SNPH: variants seen among roughly 807,000 people sequenced by gnomAD.
SNPH encodes the protein syntaphilin.
Under a neutral mutation model 36.8 loss-of-function variants are expected in SNPH, and 10 were observed. The observed-to-expected ratio is 0.27, with a 90% CI of 0.17 to 0.46. SNPH has a LOEUF of 0.46. Among genes scored for constraint, SNPH ranks in the 20% least tolerant of loss-of-function variants. The pLI, the probability that SNPH is intolerant of heterozygous loss-of-function variation, is 1.00. For missense variants in SNPH, 622 were observed against 744.0 expected, an observed-to-expected ratio of 0.84 and a Z score of 1.91; for synonymous variants, 281 against 312.2, an observed-to-expected ratio of 0.90 and a Z score of 1.05.
At chr20:1,292,974 T>C (rs1364595465) in intron 2 of SNPH, among the ~76,000 whole-genome samples, 3 of 152,250 alleles carry the variant, frequency 2.0e-5, no homozygotes, top group Non-Finnish European at 4.4e-5. Flanking sequence ...AAATACTGGC[T>C]GCCCCCATGT....
At position 1,306,064 on chromosome 20, in the gene SNPH, T is replaced by C. The variant is rs757404150; in HGVS notation, c.*10T>C. The C allele has an allele frequency of 4.2e-6, 6 of 1,440,794 alleles. No homozygotes were observed. Among genetic ancestry groups the C allele is most frequent in the Non-Finnish European group, 4.5e-6 (5 of 1,099,624 alleles). 89.3% of individuals were successfully genotyped at this position (1,440,794 alleles called of 1,614,324 possible). A position where few individuals can be genotyped will look rare whatever the true frequency, so the allele number is the denominator to read the frequency against. On this transcript the variant is annotated 3_prime_UTR_variant, in exon 7 of 7. Transcript: ENST00000381867. ...CGGCTCCCAGCTCTGAGGGGGCCCA[T>C]TCTGGCAGCGGCGCCTGCGGCCTGA...
At chr20:1,269,688 G>A (rs1351711579) in intron 2 of SNPH, among the ~76,000 whole-genome samples, 1 of 152,166 alleles carries the variant, frequency 6.6e-6, no homozygotes, top group Non-Finnish European at 1.5e-5. Flanking sequence ...GGAATGGAGA[G>A]TTTTCCTTTC....
At chr20:1,288,910 C>T (rs1568544570) in intron 2 of SNPH, among the ~76,000 whole-genome samples, 1 of 152,178 alleles carries the variant, frequency 6.6e-6, no homozygotes, top group Non-Finnish European at 1.5e-5. Context: ...GTGTGAGCCA[C>T]CGTGTCTGGC....
In SNPH at chr20:1,272,595, T is replaced by G. The variant is rs561073549; in HGVS notation, c.-493+5835T>G. On this transcript the variant is annotated intron_variant, in intron 2 of 6. Coordinates refer to ENST00000381867, the MANE Select transcript of SNPH (RefSeq NM_001318234.2). ...AGGCAATATTTTTAAATGCACATATTAAAATGTGTATGTGACCGGCCATCC... is the reference window on the plus strand; with the variant it reads ...AGGCAATATTTTTAAATGCACATATGAAAATGTGTATGTGACCGGCCATCC... Among the ~76,000 whole-genome samples the G allele has an allele frequency of 3.7e-3, 568 of 152,352 alleles. 3 individuals carry two copies. Among genetic ancestry groups the G allele is most frequent in the African/African-American group, 0.013 (539 of 41,572 alleles).
rs6033374 is a variant in SNPH, at chr20:1,302,565, A to G, written c.440+1854A>G. Among the ~76,000 whole-genome samples the G allele has an allele frequency of 7.2e-3, 955 of 133,510 alleles. 5 individuals are homozygous for G. Among genetic ancestry groups the G allele is most frequent in the Middle Eastern group, 0.023 (6 of 266 alleles). The allele number at this position is 133,510 out of a possible 152,430, so 87.6% of individuals were successfully genotyped here. A position where few individuals can be genotyped will look rare whatever the true frequency, so the allele number is the denominator to read the frequency against. ...CCATTCCCATTAGCAATCACCGCCAATTTCTAATTTCATCAATATTTCTAT... is the reference window on the plus strand; with the variant it reads ...CCATTCCCATTAGCAATCACCGCCAGTTTCTAATTTCATCAATATTTCTAT... On this transcript the variant is annotated intron_variant, in intron 6 of 6. Transcript: ENST00000381867.
At chr20:1,297,115 C>T (rs746945858) in intron 4 of SNPH, 30 bp from the exon 5 acceptor site, 111 of 1,594,750 alleles carry the variant, frequency 7.0e-5, no homozygotes, top group Admixed American at 2.2e-4. Context: ...CCAGCCAGAA[C>T]GAGCACCTGC....
At chr20:1,278,580 A>G (rs2088180631) in intron 2 of SNPH, among the ~76,000 whole-genome samples, 1 of 152,136 alleles carries the variant, frequency 6.6e-6, no homozygotes, top group East Asian at 1.9e-4. Context: ...ATTTTCTAGT[A>G]GTTTATATAA....
chr20:1,285,860 G>C lies in SNPH; in HGVS notation c.-492-9091G>C, dbSNP rs555795401. On this transcript the variant is annotated intron_variant, in intron 2 of 6. Coordinates refer to ENST00000381867, the MANE Select transcript of SNPH (RefSeq NM_001318234.2). The surrounding 1 kb of genome is among the most constrained non-coding windows in gnomAD (Gnocchi z 4.9). Reference sequence around the variant, plus strand: ...GCCTGTAATCCCAGCACTTTGGGAGGCCAAGGCAGGTGGATCACAAGGTCA... The same window carrying C: ...GCCTGTAATCCCAGCACTTTGGGAGCCCAAGGCAGGTGGATCACAAGGTCA... Among the ~76,000 whole-genome samples the C allele has an allele frequency of 1.9e-3, 292 of 152,264 alleles. No homozygotes were observed. The highest frequency in any genetic ancestry group is 2.3e-3 in the South Asian group (11 of 4,828).
At chr20:1,270,187 G>T (rs2088056130) in intron 2 of SNPH, among the ~76,000 whole-genome samples, 1 of 152,218 alleles carries the variant, frequency 6.6e-6, no homozygotes, top group African/African-American at 2.4e-5. Flanking sequence ...ACATTGACCA[G>T]CATTTGTCCT....
At chr20:1,281,598 G>A (rs1215420700) in intron 2 of SNPH, among the ~76,000 whole-genome samples, 4 of 152,148 alleles carry the variant, frequency 2.6e-5, no homozygotes, top group Non-Finnish European at 4.4e-5. Flanking sequence ...CCCTATTCCT[G>A]CACAGAATGT....
chr20:1,290,435 T>A (rs1053808495), intron 2 of SNPH, among the ~76,000 whole-genome samples: 1 of 152,256 alleles, frequency 6.6e-6, no homozygotes, highest in African/African-American at 2.4e-5. Context: ...AATGGAATCA[T>A]GCAATATGCG....
chr20:1,277,652 C>CTG (rs1338160612), intron 2 of SNPH, among the ~76,000 whole-genome samples: 1 of 88,650 alleles, frequency 1.1e-5, no homozygotes, highest in African/African-American at 4.6e-5. Context: ...GCCTGTGTGT[C>CTG]TGTGTATCTG....
At chr20:1,289,483 C>G (rs1568544835) in intron 2 of SNPH, among the ~76,000 whole-genome samples, 1 of 151,144 alleles carries the variant, frequency 6.6e-6, no homozygotes, top group Non-Finnish European at 1.5e-5. Context: ...CCATGCCTGT[C>G]TTTTTATTAA....
intron 2 of SNPH, among the ~76,000 whole-genome samples, chr20:1,279,878 A>G (rs1161154605): frequency 6.6e-6 from 1 of 152,150 alleles, no homozygotes; most frequent in Non-Finnish European, 1.5e-5. Context: ...GTAACTTAGC[A>G]TCCTTCATCT....
chr20:1,305,152 G>A lies in SNPH; in HGVS notation c.715G>A (p.Asp239Asn), dbSNP rs1262711362. The A allele has an allele frequency of 6.2e-7, 1 of 1,613,414 alleles. No individual in the cohort carries two copies. The highest frequency in any genetic ancestry group is 1.7e-5 in the Admixed American group (1 of 59,998). The change falls in exon 7 of 7, where the codon GAT (aspartate) becomes AAT (asparagine). Residue 239 changes from aspartate (D) to asparagine (N), a missense_variant. Transcript: ENST00000381867. ...EVAQNGMAKEDGTGESAGGSP... is the reference protein window; with the variant it reads ...EVAQNGMAKENGTGESAGGSP... ...GGCCCAGAATGGCATGGCCAAGGAG[G>A]ATGGCACTGGGGAGTCAGCCGGTGG... is the stretch of plus-strand genomic sequence containing the variant.
intron 6 of SNPH, among the ~76,000 whole-genome samples, chr20:1,301,235 C>G (rs764839429): frequency 9.2e-5 from 14 of 152,136 alleles, no homozygotes; most frequent in Non-Finnish European, 2.1e-4. Context: ...TGCTGAGCTC[C>G]TCCCCAGCCC....
chr20:1,296,489 A>G (rs1358518392), intron 4 of SNPH, 68 bp downstream of exon 4: 10 of 1,349,324 alleles, frequency 7.4e-6, no homozygotes, highest in Admixed American at 2.4e-5. Flanking sequence ...GCCTCTCTCT[A>G]CCTGCCACCA....
At chr20:1,286,215 C>T (rs1169646817) in intron 2 of SNPH, among the ~76,000 whole-genome samples, 1 of 151,784 alleles carries the variant, frequency 6.6e-6, no homozygotes, top group African/African-American at 2.4e-5. Flanking sequence ...AGGGCAGCTT[C>T]TCCAGAGAAG....
At chr20:1,275,957 T>C (rs1228596419) in intron 2 of SNPH, among the ~76,000 whole-genome samples, 1 of 152,208 alleles carries the variant, frequency 6.6e-6, no homozygotes, top group Non-Finnish European at 1.5e-5. Flanking sequence ...TGTTCAGATC[T>C]GTCTCAAGGC....
Sources: gnomAD v4.1 joint callset for allele counts (sites outside exome capture counted in the v4.1 genomes callset) on GRCh38, gnomAD v4.1.1 for gene constraint, Gnocchi (gnomAD v3.1) non-coding constraint, MANE v1.5 for transcripts, NCBI Gene and HGNC (gene_info 2026-07-23, HGNC 2026-07-21) for gene names.